PTPRN2: variants seen among roughly 807,000 people sequenced by gnomAD.
The protein encoded by PTPRN2 is receptor-type tyrosine-protein phosphatase N2.
PTPRN2 carries 74 observed loss-of-function variants against 118.8 expected under a neutral mutation model. The ratio of observed to expected loss-of-function variants is 0.62; its 90% CI spans 0.52 to 0.76. PTPRN2 has a LOEUF of 0.76. PTPRN2 is among the 30% of genes least tolerant of loss of function. The probability of loss-of-function intolerance (pLI) is 0.00; values close to 1 mark genes in which losing one functional copy is unlikely to be tolerated. For missense variants in PTPRN2, 1,481 were observed against 1,394.4 expected, an observed-to-expected ratio of 1.06 and a Z score of -0.99; for synonymous variants, 641 against 608.0, an observed-to-expected ratio of 1.05 and a Z score of -0.80.
chr7:158,200,716 A>G (rs1358870490), intron 4 of PTPRN2, among the ~76,000 whole-genome samples: 1 of 152,226 alleles, frequency 6.6e-6, no homozygotes, highest in East Asian at 1.9e-4. Context: ...CATTCTGACT[A>G]AAATGCAGTA....
At chr7:158,182,909 G>A (rs1475464685) in intron 5 of PTPRN2, among the ~76,000 whole-genome samples, 1 of 152,144 alleles carries the variant, frequency 6.6e-6, no homozygotes, top group Non-Finnish European at 1.5e-5. Flanking sequence ...CCCAGTGTTG[G>A]CATGTTGCTG....
At chr7:157,548,510 T>G (rs556517145) in intron 22 of PTPRN2, among the ~76,000 whole-genome samples, 1 of 152,188 alleles carries the variant, frequency 6.6e-6, no homozygotes, top group Non-Finnish European at 1.5e-5. Context: ...TCAGCAAGCA[T>G]GAGGGATTTT....
chr7:157,875,247 C>T (rs1024539739), intron 12 of PTPRN2, among the ~76,000 whole-genome samples: 1 of 152,218 alleles, frequency 6.6e-6, no homozygotes, highest in African/African-American at 2.4e-5. Context: ...CCAGACCGTG[C>T]TGTCCTGGAA....
rs1299191881 is a variant in PTPRN2, at chr7:158,555,126, G to A, written c.112+32432C>T. Among the ~76,000 whole-genome samples the A allele has an allele frequency of 6.6e-6, 1 of 152,210 alleles. No homozygotes were observed. The highest frequency in any genetic ancestry group is 1.5e-5 in the Non-Finnish European group (1 of 68,036). ...AGCGTCACAGTGGAATGAGAGGAAAGCCTGTGAGAACAAACGGATCTCCGG... is the reference window on the plus strand; with the variant it reads ...AGCGTCACAGTGGAATGAGAGGAAAACCTGTGAGAACAAACGGATCTCCGG... On this transcript the variant is annotated intron_variant, in intron 1 of 22. Transcript: ENST00000389418. This position sits in a 1 kb window ranked among gnomAD's most constrained non-coding sequence, Gnocchi z 4.7.
intron 3 of PTPRN2, among the ~76,000 whole-genome samples, chr7:158,269,684 C>G (rs1798161786): frequency 6.6e-6 from 1 of 152,032 alleles, no homozygotes. Context: ...TGCCAGGGCC[C>G]AGGAGGACAG....
intron 17 of PTPRN2, among the ~76,000 whole-genome samples, chr7:157,580,732 ACCAGCACCTGCACACC>A (rs1563231052): frequency 3.1e-4 from 10 of 31,764 alleles, no homozygotes; most frequent in South Asian, 1.2e-3. Flanking sequence ...ACCTGGACAC[ACCAGCACCTGCACACC>A]CCAGCACCTG....
chr7:157,939,066 G>T (rs1443562294), intron 11 of PTPRN2, among the ~76,000 whole-genome samples: 1 of 151,960 alleles, frequency 6.6e-6, no homozygotes, highest in Non-Finnish European at 1.5e-5. Flanking sequence ...AAGCATGCAG[G>T]TCCCCACCTC....
intron 12 of PTPRN2, among the ~76,000 whole-genome samples, chr7:157,790,019 A>G (rs1161478591): frequency 8.0e-4 from 5 of 6,228 alleles, no homozygotes; most frequent in Admixed American, 1.7e-3. Context: ...GTGTGGTGTG[A>G]ATGTGTGTGT....
chr7:158,060,897 A>T, intron 11 of PTPRN2, among the ~76,000 whole-genome samples: 1 of 152,234 alleles, frequency 6.6e-6, no homozygotes, highest in East Asian at 1.9e-4. Flanking sequence ...AGTTTCCTTT[A>T]TTAAGTTATT....
In PTPRN2 at chr7:157,618,733, C is replaced by T. The variant is rs1026203835; in HGVS notation, c.2344+2629G>A. 2 of 152,222 alleles carry T rather than the reference C, an allele frequency of 1.3e-5. No homozygotes were observed. The highest frequency in any genetic ancestry group is 2.9e-5 in the Non-Finnish European group (2 of 68,044). The allele number at this position is 152,222 out of a possible 1,614,324, so 9.4% of individuals were successfully genotyped here. A position where few individuals can be genotyped will look rare whatever the true frequency, so the allele number is the denominator to read the frequency against. On this transcript the variant is annotated intron_variant, in intron 15 of 22. Transcript: ENST00000389418. The surrounding 1 kb of genome is among the most constrained non-coding windows in gnomAD (Gnocchi z 4.2). ...AGTATGGAGAAGAAAGTAGGTAATA[C>T]AAGTTTGCTCAGAATAAACCTATGT...
Position 157,629,977 on chromosome 7 carries a change from C to G in PTPRN2, c.2197-8468G>C, listed in dbSNP as rs1015269286. Among the ~76,000 whole-genome samples, 15 of 152,144 alleles carry G rather than the reference C, an allele frequency of 9.9e-5. No homozygotes were observed. Among genetic ancestry groups the G allele is most frequent in the Admixed American group, 6.5e-4 (10 of 15,284 alleles). On this transcript the variant is annotated intron_variant, in intron 14 of 22. Coordinates refer to ENST00000389418, the MANE Select transcript of PTPRN2 (RefSeq NM_002847.5). The surrounding 1 kb of genome is among the most constrained non-coding windows in gnomAD (Gnocchi z 4.4). Reference sequence around the variant, plus strand: ...CACTGCCACTTGGGGAAATGATGACCTTTTCTTTCTTTAAAAATAAACACA... The same window carrying G: ...CACTGCCACTTGGGGAAATGATGACGTTTTCTTTCTTTAAAAATAAACACA...
At chr7:158,291,273 A>T (rs1800105062) in intron 3 of PTPRN2, among the ~76,000 whole-genome samples, 1 of 152,170 alleles carries the variant, frequency 6.6e-6, no homozygotes, top group Non-Finnish European at 1.5e-5. Flanking sequence ...ATGTCTAATC[A>T]TTTTCACACT....
At chr7:157,626,729 AT>A (rs1448989088) in intron 14 of PTPRN2, among the ~76,000 whole-genome samples, 27 of 152,368 alleles carry the variant, frequency 1.8e-4, no homozygotes, top group African/African-American at 6.3e-4. Context: ...TATCTGTGGA[AT>A]AATAATGCAT....
At chr7:158,336,242 C>T (rs1171840176) in intron 2 of PTPRN2, among the ~76,000 whole-genome samples, 1 of 80,514 alleles carries the variant, frequency 1.2e-5, no homozygotes, top group Non-Finnish European at 2.5e-5. Flanking sequence ...CACTCACACC[C>T]ACACACGTCA....
At chr7:157,899,683 G>T (rs533992691) in intron 11 of PTPRN2, among the ~76,000 whole-genome samples, 1 of 152,304 alleles carries the variant, frequency 6.6e-6, no homozygotes, top group East Asian at 1.9e-4. Flanking sequence ...TTCGGAGAGG[G>T]ACGCGATGAG....
At chr7:157,719,328 T>C (rs548970322) in intron 12 of PTPRN2, among the ~76,000 whole-genome samples, 1 of 152,334 alleles carries the variant, frequency 6.6e-6, no homozygotes, top group South Asian at 2.1e-4. Flanking sequence ...AGATCGTGCT[T>C]CCCAAGGGAC....
chr7:158,514,294 T>C (rs1312988206), intron 1 of PTPRN2, among the ~76,000 whole-genome samples: 1 of 152,176 alleles, frequency 6.6e-6, no homozygotes, highest in Non-Finnish European at 1.5e-5. Flanking sequence ...TGAGGAGGGA[T>C]GGCCACGAAG....
intron 12 of PTPRN2, among the ~76,000 whole-genome samples, chr7:157,884,930 C>G (rs993297509): frequency 1.3e-5 from 2 of 152,188 alleles, no homozygotes; most frequent in Non-Finnish European, 2.9e-5. Context: ...GTGCTGAAGC[C>G]TGAGTCTACA....
At chr7:158,068,152 C>T (rs764345541) in intron 11 of PTPRN2, among the ~76,000 whole-genome samples, 30 of 152,330 alleles carry the variant, frequency 2.0e-4, no homozygotes, top group African/African-American at 4.3e-4. Flanking sequence ...CCCATGCCAG[C>T]GGCCCTGACT....
Sources: allele counts gnomAD v4.1 joint callset (sites outside exome capture counted in the v4.1 genomes callset), GRCh38; gene constraint gnomAD v4.1.1; non-coding constraint Gnocchi (gnomAD v3.1); transcripts MANE v1.5; gene names NCBI Gene and HGNC (gene_info 2026-07-23, HGNC 2026-07-21).